Variants in HECW2 observed in about 807,000 individuals in gnomAD.
The protein encoded by HECW2 is HECT, C2 and WW domain containing E3 ubiquitin protein ligase 2, also known as E3 ubiquitin-protein ligase HECW2.
A neutral mutation model predicts 175.2 loss-of-function variants in HECW2; 61 were observed. That is an observed-to-expected ratio of 0.35 (90% CI 0.28 to 0.43). The LOEUF (loss-of-function observed/expected upper bound fraction) is 0.43, where lower values mean the gene tolerates loss of function less well. HECW2 is among the 20% of genes least tolerant of loss of function. The pLI is 1.00. For missense variants in HECW2, 1,524 were observed against 2,000.5 expected, an observed-to-expected ratio of 0.76 and a Z score of 4.54; for synonymous variants, 671 against 731.0, an observed-to-expected ratio of 0.92 and a Z score of 1.32.
intron 1 of HECW2, among the ~76,000 whole-genome samples, chr2:196,476,098 A>G (rs965029291): frequency 5.3e-5 from 8 of 151,932 alleles, no homozygotes; most frequent in Admixed American, 1.3e-4. Flanking sequence ...TGGCTCTATC[A>G]TTTTAGCAAG....
chr2:196,451,900 A>G (rs1216335250), intron 1 of HECW2, among the ~76,000 whole-genome samples: 1 of 152,254 alleles, frequency 6.6e-6, no homozygotes, highest in East Asian at 1.9e-4. Context: ...CATCGTCTCA[A>G]TAAGTAAATA....
chr2:196,396,425 G>C (rs919501975), intron 2 of HECW2, among the ~76,000 whole-genome samples: 1 of 152,116 alleles, frequency 6.6e-6, no homozygotes, highest in Admixed American at 6.5e-5. Context: ...TTATCACATA[G>C]AGAAAAGTTC....
At chr2:196,490,710 C>T (rs984535988) in intron 1 of HECW2, among the ~76,000 whole-genome samples, 20 of 152,124 alleles carry the variant, frequency 1.3e-4, no homozygotes, top group African/African-American at 4.8e-4. Context: ...ACCCAAATGT[C>T]CATGAACTGG....
intron 1 of HECW2, among the ~76,000 whole-genome samples, chr2:196,461,464 T>C (rs1156996367): frequency 1.3e-5 from 2 of 152,170 alleles, no homozygotes; most frequent in Non-Finnish European, 2.9e-5. Context: ...ACACACACCA[T>C]GCCATTCGGC....
chr2:196,538,640 G>GA (rs1164048111), intron 1 of HECW2, among the ~76,000 whole-genome samples: 1 of 151,840 alleles, frequency 6.6e-6, no homozygotes, highest in Non-Finnish European at 1.5e-5. Context: ...GAGTATGTAA[G>GA]AAAAAAATGA....
intron 15 of HECW2, among the ~76,000 whole-genome samples, chr2:196,275,736 G>A (rs1689930147): frequency 6.7e-6 from 1 of 149,342 alleles, no homozygotes. Flanking sequence ...TGGCGACAAA[G>A]CAAGACTCTG....
chr2:196,370,149 T>C (rs1394707545), intron 2 of HECW2, among the ~76,000 whole-genome samples: 7 of 152,168 alleles, frequency 4.6e-5, no homozygotes, highest in African/African-American at 1.4e-4. Context: ...AGCCAGCATG[T>C]CTCCAAGTCT....
At chr2:196,273,940 A>G (rs1442647430) in intron 16 of HECW2, 81 bp downstream of exon 16, 1 of 981,414 alleles carries the variant, frequency 1.0e-6, no homozygotes. Flanking sequence ...CAGGCTAACA[A>G]CAGGGGAAGT....
chr2:196,258,323 G>C (rs1403298828), intron 17 of HECW2, among the ~76,000 whole-genome samples: 2 of 152,248 alleles, frequency 1.3e-5, no homozygotes, highest in Non-Finnish European at 2.9e-5. Context: ...ATTTTCCTGA[G>C]GCCATACCTT....
intron 1 of HECW2, among the ~76,000 whole-genome samples, chr2:196,585,928 T>C (rs1184897133): frequency 3.3e-5 from 5 of 152,154 alleles, no homozygotes; most frequent in Admixed American, 3.3e-4. Context: ...CTGACAGTTT[T>C]CTCTACCTCC....
intron 1 of HECW2, among the ~76,000 whole-genome samples, chr2:196,489,478 C>A (rs776242807): frequency 1.3e-5 from 2 of 152,098 alleles, no homozygotes; most frequent in Admixed American, 6.5e-5. Flanking sequence ...AAAGAACCCA[C>A]ATCATGGTTC....
intron 1 of HECW2, among the ~76,000 whole-genome samples, chr2:196,479,062 C>T (rs1426013801): frequency 2.6e-5 from 4 of 152,190 alleles, no homozygotes; most frequent in Non-Finnish European, 5.9e-5. Context: ...TGCAAAGTTT[C>T]CCTCTCCTTT....
chr2:196,546,763 T>G (rs1689436386), intron 1 of HECW2, among the ~76,000 whole-genome samples: 2 of 151,282 alleles, frequency 1.3e-5, no homozygotes, highest in African/African-American at 4.9e-5. Context: ...AAGATTCTTC[T>G]GCAGTGCATT....
At chr2:196,567,859 T>C (rs1690237822) in intron 1 of HECW2, among the ~76,000 whole-genome samples, 1 of 152,220 alleles carries the variant, frequency 6.6e-6, no homozygotes, top group African/African-American at 2.4e-5. Flanking sequence ...AAATAAAGTC[T>C]TCTCACATTT....
chr2:196,497,116 T>G (rs551270063), intron 1 of HECW2, among the ~76,000 whole-genome samples: 1 of 152,242 alleles, frequency 6.6e-6, no homozygotes, highest in African/African-American at 2.4e-5. Context: ...AAAAAGTATA[T>G]CAAATTTTAT....
chr2:196,538,184 C>T (rs906789543), intron 1 of HECW2, among the ~76,000 whole-genome samples: 1 of 152,196 alleles, frequency 6.6e-6, no homozygotes, highest in Admixed American at 6.5e-5. Context: ...TTCCACAAAA[C>T]GATTTGACCT....
chr2:196,432,009 T>C (rs1695726950), intron 2 of HECW2, among the ~76,000 whole-genome samples: 1 of 152,234 alleles, frequency 6.6e-6, no homozygotes, highest in East Asian at 1.9e-4. Context: ...CAAACAGGGC[T>C]TCTCAACAGT....
At chr2:196,374,689 TC>T (rs1694000434) in intron 2 of HECW2, among the ~76,000 whole-genome samples, 1 of 152,196 alleles carries the variant, frequency 6.6e-6, no homozygotes, top group African/African-American at 2.4e-5. Context: ...TCAAGCAGTT[TC>T]CCCAAAAAGT....
chr2:196,365,088 C>G (rs1393723789), intron 2 of HECW2, among the ~76,000 whole-genome samples: 1 of 152,204 alleles, frequency 6.6e-6, no homozygotes, highest in Non-Finnish European at 1.5e-5. Flanking sequence ...ATTGATCTAG[C>G]AAGGATGCCC....
Sources: allele counts gnomAD v4.1 joint callset (sites outside exome capture counted in the v4.1 genomes callset), GRCh38; gene constraint gnomAD v4.1.1; transcripts MANE v1.5; gene names NCBI Gene and HGNC (gene_info 2026-07-23, HGNC 2026-07-21).